NWD1: variants seen among roughly 807,000 people sequenced by gnomAD.
NWD1 encodes NACHT domain- and WD repeat-containing protein 1.
Under a neutral mutation model 135.1 loss-of-function variants are expected in NWD1, and 129 were observed. That is an observed-to-expected ratio of 0.96 (90% CI 0.83 to 1.11). The LOEUF (loss-of-function observed/expected upper bound fraction) is 1.11. Ranked by LOEUF, NWD1 falls within the 50% of genes least tolerant of loss-of-function variation. NWD1 has a pLI of 0.00. For synonymous variants in NWD1, 773 were observed against 786.0 expected, an observed-to-expected ratio of 0.98 and a Z score of 0.28; for missense variants, 1,740 against 1,851.3, an observed-to-expected ratio of 0.94 and a Z score of 1.10.
intron 6 of NWD1, among the ~76,000 whole-genome samples, chr19:16,755,570 G>A (rs897702611): frequency 6.6e-6 from 1 of 151,864 alleles, no homozygotes; most frequent in Non-Finnish European, 1.5e-5. Flanking sequence ...TGTATCTTTA[G>A]TAGAGACAGG....
intron 12 of NWD1, among the ~76,000 whole-genome samples, chr19:16,784,182 G>A (rs1027129553): frequency 1.3e-5 from 2 of 151,498 alleles, no homozygotes; most frequent in African/African-American, 4.9e-5. Flanking sequence ...TCCAGCCTTG[G>A]TGACAGTGAG....
At chr19:16,805,279 G>A (rs1318518277) in intron 17 of NWD1, among the ~76,000 whole-genome samples, 3 of 151,800 alleles carry the variant, frequency 2.0e-5, no homozygotes, top group Non-Finnish European at 4.4e-5. Context: ...GGCTAGTCTC[G>A]AACTCCTGAC....
Position 16,763,837 on chromosome 19 carries a change from C to T in NWD1, c.2143C>T (p.Gln715Ter), listed in dbSNP as rs1254507084. 6.2e-7 allele frequency: 1 copy of T among 1,612,542 alleles called. No individual in the cohort carries two copies. The highest frequency in any genetic ancestry group is 1.7e-5 in the Admixed American group (1 of 59,978). ...CCTTCTCCTCTGCCAGGTGGCCCCG[C>T]AGCCTCTGTGGTTCTCACATACGGT... ...PLNLDRKVAP[Q>*]PLWFSHTVAN... Residue 715 changes from glutamine (Q) to a stop codon, truncating the protein, a stop_gained, in exon 9 of 19, where the codon CAG becomes TAG. Coordinates refer to ENST00000524140, the MANE Select transcript of NWD1 (RefSeq NM_001007525.5). LOFTEE classifies it high-confidence loss of function.
intron 5 of NWD1, among the ~76,000 whole-genome samples, chr19:16,748,852 A>G (rs1030694001): frequency 6.6e-6 from 1 of 151,614 alleles, no homozygotes; most frequent in Non-Finnish European, 1.5e-5. Context: ...AAGAAGAATA[A>G]GAGTAATGGC....
intron 4 of NWD1, among the ~76,000 whole-genome samples, chr19:16,742,025 G>A (rs1968105894): frequency 6.6e-6 from 1 of 151,980 alleles, no homozygotes; most frequent in South Asian, 2.1e-4. Context: ...GTTGCAGTGA[G>A]CTGAGATTGT....
At chr19:16,727,733 G>A (rs1967386265) in intron 2 of NWD1, 1 of 153,272 alleles carries the variant, frequency 6.5e-6, no homozygotes, top group Admixed American at 6.5e-5. Context: ...GGCGGTGTCA[G>A]GGCAATGGGC....
chr19:16,815,030 A>AC lies in NWD1; in HGVS notation c.4293dup (p.Cys1432LeufsTer99), dbSNP rs1224211446. 1 of 1,613,600 alleles carries AC rather than the reference A, an allele frequency of 6.2e-7. No homozygotes were observed. The highest frequency in any genetic ancestry group is 1.3e-5 in the African/African-American group (1 of 74,906). On this transcript the variant is annotated frameshift_variant, in exon 19 of 19. Transcript: ENST00000524140. LOFTEE classifies it high-confidence loss of function. ...TGTCCTTCTCTTCACCCTTACAGGC[A>AC]CCCTGCTGACAGTCCAGTTTGTCCA...
Position 16,815,226 on chromosome 19 carries a change from A to G in NWD1, c.*187A>G, listed in dbSNP as rs766781920. ...ATGGTCAAATCCAGGCAGAGAGAGGAGCTAGTTGCAGCTGCAGGAGCTCCC... is the reference window on the plus strand; with the variant it reads ...ATGGTCAAATCCAGGCAGAGAGAGGGGCTAGTTGCAGCTGCAGGAGCTCCC... On this transcript the variant is annotated 3_prime_UTR_variant, in exon 19 of 19. Transcript: ENST00000524140. The G allele has an allele frequency of 3.8e-6, 3 of 789,032 alleles. No homozygotes were observed. The South Asian group carries it at 4.0e-5, about 11-fold the overall frequency. The allele number at this position is 789,032 out of a possible 1,614,324, so 48.9% of individuals were successfully genotyped here.
intron 3 of NWD1, among the ~76,000 whole-genome samples, chr19:16,736,328 C>G (rs1967817781): frequency 1.3e-5 from 2 of 151,874 alleles, no homozygotes; most frequent in African/African-American, 4.8e-5. Flanking sequence ...CTTGTGGGCT[C>G]AATTGATCCT....
At chr19:16,759,553 T>C in intron 7 of NWD1, 125 bp downstream of exon 7, 4 of 706,240 alleles carry the variant, frequency 5.7e-6, no homozygotes, top group Middle Eastern at 3.9e-4. Flanking sequence ...CAAGTCCAGT[T>C]AGAACTCTGA....
chr19:16,802,637 A>G (rs1970637208), intron 17 of NWD1, among the ~76,000 whole-genome samples: 1 of 152,000 alleles, frequency 6.6e-6, no homozygotes. Context: ...CCTGCAGAAC[A>G]ATGAGCCACA....
intron 12 of NWD1, among the ~76,000 whole-genome samples, chr19:16,783,337 T>G (rs1969925052): frequency 6.6e-6 from 1 of 152,122 alleles, no homozygotes; most frequent in Non-Finnish European, 1.5e-5. Context: ...ACCTGTCTCT[T>G]AAAAATAAAT....
intron 2 of NWD1, among the ~76,000 whole-genome samples, chr19:16,728,404 C>T (rs931323532): frequency 6.6e-6 from 1 of 151,294 alleles, no homozygotes; most frequent in African/African-American, 2.4e-5. Context: ...CCTGCCTCAG[C>T]CTCCTGAGCA....
intron 4 of NWD1, among the ~76,000 whole-genome samples, chr19:16,740,155 C>T (rs1488732143): frequency 1.3e-5 from 2 of 151,288 alleles, no homozygotes; most frequent in African/African-American, 4.9e-5. Context: ...GAACAGTTAG[C>T]TGGGGTGGTG....
chr19:16,800,438 GC>G (rs1970569361), intron 17 of NWD1, among the ~76,000 whole-genome samples: 1 of 69,804 alleles, frequency 1.4e-5, no homozygotes, highest in African/African-American at 8.2e-5. Context: ...CGAGGCTGAG[GC>G]AGAATTGTTT....
intron 7 of NWD1, 129 bp from the exon 8 acceptor site, chr19:16,761,850 A>G: frequency 1.6e-6 from 1 of 642,326 alleles, no homozygotes; most frequent in South Asian, 2.3e-5. Context: ...GATGTATCAA[A>G]TAGCACAGGT....
At chr19:16,808,285 C>A in intron 18 of NWD1, 149 bp downstream of exon 18, 1 of 711,498 alleles carries the variant, frequency 1.4e-6, no homozygotes, top group Non-Finnish European at 2.3e-6. Context: ...CGCAGTGGCT[C>A]ACGCCTGTAA....
At chr19:16,797,095 G>A (rs1386481622) in intron 15 of NWD1, among the ~76,000 whole-genome samples, 8 of 151,386 alleles carry the variant, frequency 5.3e-5, no homozygotes, top group African/African-American at 1.9e-4. Context: ...CAGGAGAATC[G>A]CTTGAACCCA....
At chr19:16,758,175 A>T (rs1968870040) in intron 6 of NWD1, among the ~76,000 whole-genome samples, 2 of 152,226 alleles carry the variant, frequency 1.3e-5, no homozygotes, top group Non-Finnish European at 2.9e-5. Context: ...TCAGAAACTG[A>T]ATTTAAAACT....
Sources: allele counts gnomAD v4.1 joint callset (sites outside exome capture counted in the v4.1 genomes callset), GRCh38; gene constraint gnomAD v4.1.1; transcripts MANE v1.5; gene names NCBI Gene and HGNC (gene_info 2026-07-23, HGNC 2026-07-21).